The following CFAP47 variants were observed in gnomAD, a reference collection of about 807,000 sequenced individuals.
CFAP47 encodes cilia- and flagella-associated protein 47.
In CFAP47, 29 loss-of-function variants were observed where a neutral mutation model predicts 148.1. That is an observed-to-expected ratio of 0.20 (90% CI 0.15 to 0.27). CFAP47 has a LOEUF of 0.27. CFAP47 is among the 10% of genes least tolerant of loss of function. The pLI is 1.00. For synonymous variants in CFAP47, 664 were observed against 577.3 expected, an observed-to-expected ratio of 1.15 and a Z score of -2.15; for missense variants, 1,872 against 1,697.5, an observed-to-expected ratio of 1.10 and a Z score of -1.81.
intron 60 of CFAP47, among the ~76,000 whole-genome samples, chrX:36,354,422 A>G (rs1288277382): frequency 4.9e-5 from 5 of 101,637 alleles, no homozygotes; most frequent in African/African-American, 1.8e-4. Flanking sequence ...CGGAGGTTGC[A>G]GTGAGCCGAG....
intron 30 of CFAP47, among the ~76,000 whole-genome samples, chrX:36,086,421 G>A (rs1293785361): frequency 9.0e-6 from 1 of 111,295 alleles, no homozygotes; most frequent in East Asian, 2.8e-4. Flanking sequence ...ATGTAATATG[G>A]TTAATATATT....
chrX:36,174,018 CTCT>C, intron 39 of CFAP47, among the ~76,000 whole-genome samples: 1 of 109,864 alleles, frequency 9.1e-6, no homozygotes, highest in Non-Finnish European at 1.9e-5. Flanking sequence ...GGATAGTTAG[CTCT>C]TCTTGTTGAA....
intron 48 of CFAP47, among the ~76,000 whole-genome samples, chrX:36,245,631 G>T (rs1300733265): frequency 4.5e-5 from 5 of 111,558 alleles, no homozygotes; most frequent in African/African-American, 1.6e-4. Context: ...AGCTAAGCAA[G>T]GAGGTAGAAG....
chrX:35,999,099 C>T (rs1313991501), intron 19 of CFAP47, among the ~76,000 whole-genome samples: 1 of 111,709 alleles, frequency 9.0e-6, no homozygotes, highest in Non-Finnish European at 1.9e-5. Context: ...CTCAAATGAG[C>T]ACATATACAA....
At chrX:36,046,173 A>C (rs1394470335) in intron 25 of CFAP47, among the ~76,000 whole-genome samples, 1 of 110,906 alleles carries the variant, frequency 9.0e-6, no homozygotes, top group East Asian at 2.9e-4. Flanking sequence ...TCTGCCATAG[A>C]TATGTAAGTT....
rs900245269 is a variant in CFAP47, at chrX:36,126,651, A to G, written c.5321-11307A>G. 2.7e-5 allele frequency among the ~76,000 whole-genome samples: 3 copies of G among 112,193 alleles called. No individual in the cohort carries two copies. In the Admixed American group the frequency reaches 2.8e-4, roughly 11 times the overall value. ...TGGGTCAAATGGTATTTCTAGTTCT[A>G]GATCCTTGAGGAATCACCACACTGT... On this transcript the variant is annotated intron_variant, in intron 33 of 63. Transcript: ENST00000378653.
At chrX:35,970,567 A>T (rs191938993) in intron 10 of CFAP47, among the ~76,000 whole-genome samples, 85 of 110,940 alleles carry the variant, frequency 7.7e-4, no homozygotes, top group African/African-American at 2.8e-3. Context: ...TTATTAGATT[A>T]AGAAAAAATA....
chrX:36,284,369 C>T (rs984704034), intron 50 of CFAP47, among the ~76,000 whole-genome samples: 4 of 111,379 alleles, frequency 3.6e-5, no homozygotes, highest in Non-Finnish European at 5.7e-5. Context: ...TTCTCTTTCT[C>T]CCTCTTACTA....
intron 56 of CFAP47, among the ~76,000 whole-genome samples, chrX:36,316,448 CT>C (rs1941434351): frequency 8.9e-6 from 1 of 112,151 alleles, no homozygotes; most frequent in African/African-American, 3.2e-5. Flanking sequence ...ACATTGCAAT[CT>C]TTTTTAAATG....
intron 57 of CFAP47, among the ~76,000 whole-genome samples, chrX:36,323,647 C>A (rs1461059984): frequency 9.0e-6 from 1 of 111,279 alleles, no homozygotes; most frequent in African/African-American, 3.3e-5. Context: ...TATTCATCAT[C>A]CCAGTCAATC....
At chrX:36,217,362 A>G (rs782174575) in intron 45 of CFAP47, among the ~76,000 whole-genome samples, 1 of 111,081 alleles carries the variant, frequency 9.0e-6, no homozygotes, top group African/African-American at 3.3e-5. Flanking sequence ...GGCCCCTCAA[A>G]TAGGAATCTT....
intron 52 of CFAP47, among the ~76,000 whole-genome samples, chrX:36,299,909 A>G (rs1941281635): frequency 8.9e-6 from 1 of 112,316 alleles, no homozygotes; most frequent in Non-Finnish European, 1.9e-5. Context: ...TAAAGGACAA[A>G]AATTATTATT....
chrX:35,994,764 GT>G (rs199987804), intron 18 of CFAP47, among the ~76,000 whole-genome samples: 1 of 110,066 alleles, frequency 9.1e-6, no homozygotes, highest in Non-Finnish European at 1.9e-5. Flanking sequence ...ATTATGCTGG[GT>G]TTTTTTTCTA....
At chrX:36,377,926 G>T (rs971710421) in intron 62 of CFAP47, among the ~76,000 whole-genome samples, 3 of 111,628 alleles carry the variant, frequency 2.7e-5, no homozygotes, top group South Asian at 3.8e-4. Flanking sequence ...TAAATTGCCC[G>T]AAGTCATCCA....
intron 2 of CFAP47, among the ~76,000 whole-genome samples, chrX:35,936,772 A>T (rs1445284128): frequency 9.1e-6 from 1 of 110,291 alleles, no homozygotes; most frequent in Admixed American, 9.8e-5. Flanking sequence ...CATTTTATTT[A>T]TATGTTATCA....
At chrX:36,330,534 T>C (rs1172363621) in intron 57 of CFAP47, among the ~76,000 whole-genome samples, 1 of 111,956 alleles carries the variant, frequency 8.9e-6, no homozygotes, top group Admixed American at 9.5e-5. Flanking sequence ...GTTATACTCA[T>C]TATCAATGAA....
chrX:36,140,999 A>T (rs1349504887), intron 35 of CFAP47, among the ~76,000 whole-genome samples: 1 of 111,051 alleles, frequency 9.0e-6, no homozygotes, highest in Non-Finnish European at 1.9e-5. Flanking sequence ...TTTAGTACAC[A>T]TAATTTAATG....
intron 63 of CFAP47, among the ~76,000 whole-genome samples, chrX:36,381,700 C>G (rs5973652): frequency 0.31 from 34,503 of 109,816 alleles, 6,749 homozygotes; most frequent in African/African-American, 0.73. Flanking sequence ...AAAGAGAGTA[C>G]TAAATCTGCT....
chrX:36,000,173 G>A (rs772767270), intron 19 of CFAP47, 110 bp from the exon 20 acceptor site: 3 of 254,007 alleles, frequency 1.2e-5, no homozygotes, highest in Non-Finnish European at 2.1e-5. Context: ...TTTTTATAGG[G>A]TTCTGCTTTG....
Sources: gnomAD v4.1 joint callset for allele counts (sites outside exome capture counted in the v4.1 genomes callset) on GRCh38, gnomAD v4.1.1 for gene constraint, MANE v1.5 for transcripts, NCBI Gene and HGNC (gene_info 2026-07-23, HGNC 2026-07-21) for gene names.